The following TMEM229B variants were observed in gnomAD, a reference collection of about 807,000 sequenced individuals.
The protein encoded by TMEM229B is chromosome 14 open reading frame 83.
Under a neutral mutation model 13.7 loss-of-function variants are expected in TMEM229B, and 6 were observed. That is an observed-to-expected ratio of 0.44 (90% CI 0.24 to 0.86). The LOEUF (loss-of-function observed/expected upper bound fraction) is 0.86. Ranked by LOEUF, TMEM229B falls within the 40% of genes least tolerant of loss-of-function variation. TMEM229B has a pLI of 0.23. For synonymous variants in TMEM229B, 107 were observed against 102.1 expected, an observed-to-expected ratio of 1.05 and a Z score of -0.29; for missense variants, 170 against 236.0, an observed-to-expected ratio of 0.72 and a Z score of 1.83.
At chr14:67,477,120 C>T (rs1406862822) in intron 2 of TMEM229B, among the ~76,000 whole-genome samples, 5 of 151,066 alleles carry the variant, frequency 3.3e-5, no homozygotes, top group East Asian at 1.9e-4. Context: ...GAGTCGCGAT[C>T]GCACCATTGC....
rs114216036 is a variant in TMEM229B at position 67,478,924 on chromosome 14, T to C, written c.-18-4983A>G. 9.2e-3 allele frequency among the ~76,000 whole-genome samples: 1,405 copies of C among 152,276 alleles called. 30 individuals are homozygous for C. The highest frequency in any genetic ancestry group is 0.033 in the African/African-American group (1,360 of 41,536). On this transcript the variant is annotated intron_variant, in intron 2 of 2. Coordinates refer to ENST00000554480, the MANE Select transcript of TMEM229B (RefSeq NM_001348543.2). ...ATAGTGGTAAGAGAAAAAAGCAGGA[T>C]TCAAAACTGAATATTCAACCTAACT... is the stretch of plus-strand genomic sequence containing the variant.
chr14:67,521,290 G>T (rs936750698), intron 1 of TMEM229B, among the ~76,000 whole-genome samples: 3 of 152,238 alleles, frequency 2.0e-5, no homozygotes, highest in African/African-American at 7.2e-5. Flanking sequence ...TCAGGAATGA[G>T]TGCATTGTGA....
At chr14:67,508,135 C>CAAAAAAAAAAAAAAAAAAAA (rs34715322) in intron 1 of TMEM229B, among the ~76,000 whole-genome samples, 9 of 130,628 alleles carry the variant, frequency 6.9e-5, no homozygotes, top group African/African-American at 2.7e-4. Context: ...AACTCCATCT[C>CAAAAAAAAAAAAAAAAAAAA]AAAAAAAAAA....
Position 67,523,052 on chromosome 14 carries a change from C to A in TMEM229B, c.-192+10584G>T, listed in dbSNP as rs533979910. On this transcript the variant is annotated intron_variant, in intron 1 of 2. Transcript: ENST00000554278. ...CTTCATGAGGAGCCCAGGCTGGGCG[C>A]GGTGGCTCATGCCTATAATCCCAGC... Among the ~76,000 whole-genome samples the A allele has an allele frequency of 3.5e-3, 531 of 152,256 alleles. 1 individual carries two copies. Among genetic ancestry groups the A allele is most frequent in the African/African-American group, 0.012 (501 of 41,552 alleles).
At chr14:67,501,615 C>G (rs1188564808) in intron 1 of TMEM229B, among the ~76,000 whole-genome samples, 1 of 152,180 alleles carries the variant, frequency 6.6e-6, no homozygotes, top group African/African-American at 2.4e-5. Context: ...AGATTAGGGA[C>G]AGGCCAATGA....
intron 1 of TMEM229B, among the ~76,000 whole-genome samples, chr14:67,525,376 T>G (rs961645703): frequency 2.8e-4 from 42 of 152,404 alleles, no homozygotes; most frequent in African/African-American, 1.0e-3. Context: ...TTTTGATGGC[T>G]GCATAGTATT....
chr14:67,493,813 G>C (rs2032261242), intron 1 of TMEM229B, among the ~76,000 whole-genome samples: 1 of 152,162 alleles, frequency 6.6e-6, no homozygotes, highest in African/African-American at 2.4e-5. Context: ...TGGACTTGGA[G>C]CTATAAGGAT....
At chr14:67,529,581 GATTTAGCCACTGGGCCATTTCCTTTCC>G (rs945510776) in intron 1 of TMEM229B, among the ~76,000 whole-genome samples, 1 of 152,038 alleles carries the variant, frequency 6.6e-6, no homozygotes, top group African/African-American at 2.4e-5. Flanking sequence ...ACACACTGAG[GATTTAGCCACTGGGCCATTTCCTTTCC>G]TTCCTAACTG....
At chr14:67,527,656 G>A (rs541171471) in intron 1 of TMEM229B, among the ~76,000 whole-genome samples, 48 of 152,214 alleles carry the variant, frequency 3.2e-4, no homozygotes, top group Admixed American at 1.3e-4. Context: ...CCAACAATGT[G>A]TTTTGTACCG....
chr14:67,515,764 T>C (rs551204990), upstream of TMEM229B, among the ~76,000 whole-genome samples: 12 of 152,292 alleles, frequency 7.9e-5, no homozygotes, highest in East Asian at 2.3e-3. Flanking sequence ...GTGGGTACCA[T>C]TGCAGGCCCG....
chr14:67,527,636 C>A (rs2033387748), intron 1 of TMEM229B, among the ~76,000 whole-genome samples: 1 of 152,202 alleles, frequency 6.6e-6, no homozygotes, highest in African/African-American at 2.4e-5. Context: ...TTCAGCAATT[C>A]TCAGATAAAC....
chr14:67,501,733 C>T (rs79416258), intron 1 of TMEM229B, among the ~76,000 whole-genome samples: 6,612 of 152,206 alleles, frequency 0.043, 186 homozygotes, highest in East Asian at 0.091. Flanking sequence ...ACCAAAGTCC[C>T]CTATCTAAGA....
chr14:67,531,441 G>A (rs1273975137), intron 1 of TMEM229B, among the ~76,000 whole-genome samples: 1 of 152,076 alleles, frequency 6.6e-6, no homozygotes, highest in Non-Finnish European at 1.5e-5. Context: ...CCTGCTCAGA[G>A]TTGGGCAATG....
intron 2 of TMEM229B, among the ~76,000 whole-genome samples, chr14:67,476,671 G>A (rs2031219284): frequency 6.6e-6 from 1 of 152,182 alleles, no homozygotes; most frequent in African/African-American, 2.4e-5. Flanking sequence ...GTGAGACAGA[G>A]CTCAGAGAGG....
At chr14:67,496,387 C>T (rs542665458) in intron 1 of TMEM229B, among the ~76,000 whole-genome samples, 11 of 59,946 alleles carry the variant, frequency 1.8e-4, no homozygotes, top group Non-Finnish European at 2.6e-4. Flanking sequence ...GCCACTGCTC[C>T]GGCGTTTTTT....
At chr14:67,505,310 T>A (rs1028641579) in intron 1 of TMEM229B, among the ~76,000 whole-genome samples, 3 of 152,088 alleles carry the variant, frequency 2.0e-5, no homozygotes, top group Admixed American at 1.3e-4. Context: ...GGCCCTCCTG[T>A]CAAGCTGGTG....
chr14:67,473,211 C>G lies in TMEM229B; in HGVS notation c.*209G>C. The G allele has an allele frequency of 1.5e-6, 1 of 645,958 alleles. No individual in the cohort carries two copies. The highest frequency in any genetic ancestry group is 2.6e-6 in the Non-Finnish European group (1 of 384,652). 40.0% of individuals were successfully genotyped at this position (645,958 alleles called of 1,614,324 possible). A position where few individuals can be genotyped will look rare whatever the true frequency, so the allele number is the denominator to read the frequency against. On this transcript the variant is annotated 3_prime_UTR_variant, in exon 3 of 3. Coordinates refer to ENST00000554480, the MANE Select transcript of TMEM229B (RefSeq NM_001348543.2). The surrounding 1 kb of genome is among the most constrained non-coding windows in gnomAD (Gnocchi z 6.5). ...GATCCATGGACCCTTCCCAATGTCCCTCTGCTGCCTCCACACCCCATCCCC... is the reference window on the plus strand; with the variant it reads ...GATCCATGGACCCTTCCCAATGTCCGTCTGCTGCCTCCACACCCCATCCCC...
At chr14:67,505,291 T>C (rs1389252188) in intron 1 of TMEM229B, among the ~76,000 whole-genome samples, 1 of 152,122 alleles carries the variant, frequency 6.6e-6, no homozygotes, top group Non-Finnish European at 1.5e-5. Context: ...CCTGTCCCCA[T>C]AGAAAACTGG....
chr14:67,492,031 C>T (rs375317635), upstream of TMEM229B, among the ~76,000 whole-genome samples: 82 of 152,330 alleles, frequency 5.4e-4, 1 homozygote, highest in Middle Eastern at 0.01. Flanking sequence ...CATCTCACCC[C>T]ACTGTCTTCT....
Sources: allele counts gnomAD v4.1 joint callset (sites outside exome capture counted in the v4.1 genomes callset), GRCh38; gene constraint gnomAD v4.1.1; non-coding constraint Gnocchi (gnomAD v3.1); transcripts MANE v1.5; gene names NCBI Gene and HGNC (gene_info 2026-07-23, HGNC 2026-07-21).